The following HIPK2 variants were observed in gnomAD, a reference collection of about 807,000 sequenced individuals.
The protein encoded by HIPK2 is homeodomain interacting protein kinase 2.
Under a neutral mutation model 113.7 loss-of-function variants are expected in HIPK2, and 27 were observed. The ratio of observed to expected loss-of-function variants is 0.24; its 90% CI spans 0.17 to 0.33. HIPK2 has a LOEUF of 0.33. Among genes scored for constraint, HIPK2 ranks in the 10% least tolerant of loss-of-function variants. The pLI, the probability that HIPK2 is intolerant of heterozygous loss-of-function variation, is 1.00. For missense variants in HIPK2, 1,257 were observed against 1,588.0 expected (o/e 0.79, Z 3.54); for synonymous variants, 631 against 642.2 (o/e 0.98, Z 0.26).
rs1585286776 is a variant in HIPK2 at position 139,620,305 on chromosome 7, G to A, written c.1782+96C>T. 3.3e-6 allele frequency: 5 copies of A among 1,506,920 alleles called. No homozygotes were observed. In the East Asian group the frequency reaches 9.1e-5, roughly 27 times the overall value. The allele number at this position is 1,506,920 out of a possible 1,614,324, so 93.3% of individuals were successfully genotyped here. On this transcript the variant is annotated intron_variant, in intron 7 of 14. Transcript: ENST00000406875. Reference sequence around the variant, plus strand: ...TGTTTAGTTGTTGAACATGACAGCAGGAATTTTGCCTCCTGACTAGGTATG... The same window carrying A: ...TGTTTAGTTGTTGAACATGACAGCAAGAATTTTGCCTCCTGACTAGGTATG...
chr7:139,598,699 G>A, intron 11 of HIPK2, among the ~76,000 whole-genome samples: 1 of 152,188 alleles, frequency 6.6e-6, no homozygotes, highest in East Asian at 1.9e-4. Flanking sequence ...AAACAAAAAG[G>A]AGGGACTTGC....
chr7:139,592,001 G>A (rs1222560057), intron 12 of HIPK2, among the ~76,000 whole-genome samples: 1 of 152,216 alleles, frequency 6.6e-6, no homozygotes, highest in Non-Finnish European at 1.5e-5. Context: ...TGCTCCCTCT[G>A]TTAAGTGGAT....
chr7:139,681,246 C>T (rs1240035102), intron 2 of HIPK2, among the ~76,000 whole-genome samples: 1 of 152,166 alleles, frequency 6.6e-6, no homozygotes, highest in East Asian at 1.9e-4. Flanking sequence ...TTTAGCTTTT[C>T]ATTCTTTTTG....
At chr7:139,666,253 T>A (rs1458725691) in intron 2 of HIPK2, among the ~76,000 whole-genome samples, 1 of 152,044 alleles carries the variant, frequency 6.6e-6, no homozygotes, top group Non-Finnish European at 1.5e-5. Flanking sequence ...AAATCACAGT[T>A]TAAAATGAGG....
At chr7:139,767,146 T>C (rs966995813) in intron 1 of HIPK2, among the ~76,000 whole-genome samples, 9 of 152,262 alleles carry the variant, frequency 5.9e-5, no homozygotes, top group African/African-American at 9.6e-5. Flanking sequence ...CTTTTTGTTC[T>C]GAATGTACTC....
chr7:139,651,473 C>T (rs368030353), intron 2 of HIPK2, among the ~76,000 whole-genome samples: 169 of 152,322 alleles, frequency 1.1e-3, no homozygotes, highest in African/African-American at 3.9e-3. Context: ...CTTGTCAGTT[C>T]GTGGTCACAA....
chr7:139,727,721 T>A (rs1005332858), intron 1 of HIPK2, among the ~76,000 whole-genome samples: 9 of 152,136 alleles, frequency 5.9e-5, no homozygotes, highest in African/African-American at 2.2e-4. Context: ...CTGCAGTGGG[T>A]GAGTACAGAC....
chr7:139,578,413 T>C (rs1798559979), intron 13 of HIPK2, among the ~76,000 whole-genome samples: 1 of 152,186 alleles, frequency 6.6e-6, no homozygotes, highest in African/African-American at 2.4e-5. Context: ...CCCAAAGTGT[T>C]GGGATTACAG....
intron 2 of HIPK2, among the ~76,000 whole-genome samples, chr7:139,645,877 G>C (rs1801201188): frequency 6.6e-6 from 1 of 152,156 alleles, no homozygotes; most frequent in South Asian, 2.1e-4. Flanking sequence ...ACGGTGACTG[G>C]TTGGTTATTC....
At chr7:139,777,282 C>T (rs922067078) in intron 1 of HIPK2, 1 of 154,318 alleles carries the variant, frequency 6.5e-6, no homozygotes, top group Non-Finnish European at 1.4e-5. Flanking sequence ...GCATCACCTT[C>T]ATTTATCGCA....
chr7:139,704,516 ACCC>A (rs1416442962), intron 2 of HIPK2, among the ~76,000 whole-genome samples: 1,691 of 148,842 alleles, frequency 0.011, 25 homozygotes, highest in African/African-American at 0.04. Flanking sequence ...ACACACACAC[ACCC>A]CAACACACCC....
intron 13 of HIPK2, among the ~76,000 whole-genome samples, chr7:139,582,186 C>G (rs1798689265): frequency 6.6e-6 from 1 of 152,176 alleles, no homozygotes; most frequent in South Asian, 2.1e-4. Context: ...GAAGGGACAG[C>G]TTCATTTTCT....
intron 12 of HIPK2, among the ~76,000 whole-genome samples, chr7:139,592,975 C>A (rs146684322): frequency 1.3e-5 from 2 of 152,200 alleles, no homozygotes; most frequent in East Asian, 3.9e-4. Context: ...AGTGCCATGG[C>A]TCCAGCACTC....
At chr7:139,719,485 A>T (rs1414271802) in intron 1 of HIPK2, among the ~76,000 whole-genome samples, 2 of 152,122 alleles carry the variant, frequency 1.3e-5, no homozygotes, top group Non-Finnish European at 2.9e-5. Flanking sequence ...AAGCAGTTTA[A>T]GCCGTCACCT....
intron 2 of HIPK2, among the ~76,000 whole-genome samples, chr7:139,691,166 C>G (rs1794393802): frequency 6.6e-6 from 1 of 152,196 alleles, no homozygotes; most frequent in Admixed American, 6.5e-5. Context: ...GCCCCCCTAC[C>G]CTTACTATCA....
chr7:139,609,466 A>G lies in HIPK2; in HGVS notation c.2112+3736T>C, dbSNP rs112859437. The stretch of plus-strand genomic sequence containing the variant: ...TCAAAGACTCCATCTCTAAGTGTTC[A>G]TAAGTAAAATCCTTTAAAAGATTTT... On this transcript the variant is annotated intron_variant, in intron 9 of 14. Coordinates refer to ENST00000406875, the MANE Select transcript of HIPK2 (RefSeq NM_022740.5). Among the ~76,000 whole-genome samples the G allele has an allele frequency of 4.7e-3, 713 of 152,356 alleles. 4 individuals carry two copies. Among genetic ancestry groups the G allele is most frequent in the African/African-American group, 0.016 (664 of 41,584 alleles).
In HIPK2 at chr7:139,613,554, T is replaced by C. The variant is rs1392003690; in HGVS notation, c.1991-231A>G. Among the ~76,000 whole-genome samples, 5 of 152,042 alleles carry C rather than the reference T, an allele frequency of 3.3e-5. No homozygotes were observed. Among genetic ancestry groups the C allele is most frequent in the Non-Finnish European group, 7.4e-5 (5 of 68,012 alleles). The stretch of plus-strand genomic sequence containing the variant: ...GTCTTCAAAGGCTAGAAGGTCAGAT[T>C]AAGGAGGCTGTAAGGCCAAAAGTAG... On this transcript the variant is annotated intron_variant, in intron 8 of 14. Coordinates refer to ENST00000406875, the MANE Select transcript of HIPK2 (RefSeq NM_022740.5). This position sits in a 1 kb window ranked among gnomAD's most constrained non-coding sequence, Gnocchi z 4.2.
intron 6 of HIPK2, among the ~76,000 whole-genome samples, chr7:139,625,133 C>T (rs936513326): frequency 5.3e-5 from 8 of 152,238 alleles, no homozygotes; most frequent in African/African-American, 1.7e-4. Context: ...TCCAATGACA[C>T]TGGCCCATCC....
At chr7:139,626,371 AG>A (rs1271966970) in intron 6 of HIPK2, among the ~76,000 whole-genome samples, 6 of 151,780 alleles carry the variant, frequency 4.0e-5, no homozygotes, top group Non-Finnish European at 8.8e-5. Flanking sequence ...CCAAAGTGCT[AG>A]GATTACAGGC....
Sources: allele counts gnomAD v4.1 joint callset (sites outside exome capture counted in the v4.1 genomes callset), GRCh38; gene constraint gnomAD v4.1.1; non-coding constraint Gnocchi (gnomAD v3.1); transcripts MANE v1.5; gene names NCBI Gene and HGNC (gene_info 2026-07-23, HGNC 2026-07-21).